Variants in BCL11B observed in about 807,000 individuals in gnomAD.
BCL11B encodes BCL11 transcription factor B.
In BCL11B, 8 loss-of-function variants were observed where a neutral mutation model predicts 49.9. The observed-to-expected ratio is 0.16, with a 90% confidence interval of 0.09 to 0.29. The LOEUF (loss-of-function observed/expected upper bound fraction) is 0.29. Ranked by LOEUF, BCL11B falls within the 10% of genes least tolerant of loss-of-function variation. The pLI is 1.00. For missense variants in BCL11B, 1,006 were observed against 1,351.0 expected, an observed-to-expected ratio of 0.74 and a Z score of 4.00; for synonymous variants, 739 against 637.4, an observed-to-expected ratio of 1.16 and a Z score of -2.40.
intron 3 of BCL11B, among the ~76,000 whole-genome samples, chr14:99,201,079 G>A (rs1042368573): frequency 2.6e-5 from 4 of 152,172 alleles, no homozygotes; most frequent in African/African-American, 7.2e-5. Flanking sequence ...CAGGCCTCCA[G>A]CATTTTCCTA....
At chr14:99,198,888 C>T (rs1887259048) in intron 3 of BCL11B, among the ~76,000 whole-genome samples, 1 of 152,146 alleles carries the variant, frequency 6.6e-6, no homozygotes, top group African/African-American at 2.4e-5. Flanking sequence ...CTCTGCATTC[C>T]TCCCAGGCAG....
At position 99,231,532 on chromosome 14, in the gene BCL11B, T is replaced by G. The variant is rs1888335871; in HGVS notation, c.453A>C (p.Pro151=). ...IAGPCRPAQL[P]AVAPIAASSH... is the part of the protein sequence containing the mutation. ...AGGAGGCAGCTATGGGGGCCACCGCTGGCAGCTGGGCAGGCCTGCACGGCC... is the reference window on the plus strand; with the variant it reads ...AGGAGGCAGCTATGGGGGCCACCGCGGGCAGCTGGGCAGGCCTGCACGGCC... Residue 151 remains proline, a synonymous_variant, in exon 3 of 4, where the codon CCA becomes CCC. Coordinates refer to ENST00000357195, the MANE Select transcript of BCL11B (RefSeq NM_138576.4). This position sits in a 1 kb window ranked among gnomAD's most constrained non-coding sequence, Gnocchi z 8.1. 2 of 1,588,992 alleles carry G rather than the reference T, an allele frequency of 1.3e-6. No homozygotes were observed. The highest frequency in any genetic ancestry group is 1.8e-5 in the Admixed American group (1 of 55,812).
rs185544763 is a variant in BCL11B at position 99,228,976 on chromosome 14, A to C, written c.640+2369T>G. On this transcript the variant is annotated intron_variant, in intron 3 of 3. Coordinates refer to ENST00000357195, the MANE Select transcript of BCL11B (RefSeq NM_138576.4). This position sits in a 1 kb window ranked among gnomAD's most constrained non-coding sequence, Gnocchi z 4.8. ...GATGGATGGATGCATGGATGGATGC[A>C]TGGATGGATGGATGGCTACATGGAT... is the stretch of plus-strand genomic sequence containing the variant. Among the ~76,000 whole-genome samples, 1 of 152,050 alleles carries C rather than the reference A, an allele frequency of 6.6e-6. No individual in the cohort carries two copies. Among genetic ancestry groups the C allele is most frequent in the East Asian group, 1.9e-4 (1 of 5,156 alleles).
At chr14:99,187,985 T>C (rs1257427) in intron 3 of BCL11B, among the ~76,000 whole-genome samples, 130,865 of 152,156 alleles carry the variant, frequency 0.86, 57,024 homozygotes, top group Middle Eastern at 0.96. Flanking sequence ...AGAGCCTCGA[T>C]ACCGAGTTAT....
chr14:99,229,779 C>T (rs1888275474), intron 3 of BCL11B, among the ~76,000 whole-genome samples: 1 of 152,030 alleles, frequency 6.6e-6, no homozygotes. Flanking sequence ...ATAGCATGGC[C>T]CCCCCAGTGG....
chr14:99,229,732 G>C (rs77726852), intron 3 of BCL11B, among the ~76,000 whole-genome samples: 1 of 152,162 alleles, frequency 6.6e-6, no homozygotes, highest in Non-Finnish European at 1.5e-5. Context: ...CACGGAACTT[G>C]ACCGCGTCCA....
Position 99,173,897 on chromosome 14 carries a change from CA to C in BCL11B, c.*253del, listed in dbSNP as rs1190912655. On this transcript the variant is annotated 3_prime_UTR_variant, in exon 4 of 4. Transcript: ENST00000357195. Reference sequence around the variant, plus strand: ...AATAATAAAAAGTACCTGCACATGCCAAAAAAATTACAAAACCCAATAAATA... The same window carrying C: ...AATAATAAAAAGTACCTGCACATGCCAAAAAATTACAAAACCCAATAAATA... The C allele has an allele frequency of 1.9e-5, 10 of 522,756 alleles. No homozygotes were observed. The highest frequency in any genetic ancestry group is 9.7e-5 in the East Asian group (3 of 30,924). 32.4% of individuals were successfully genotyped at this position (522,756 alleles called of 1,614,324 possible). A position where few individuals can be genotyped will look rare whatever the true frequency, so the allele number is the denominator to read the frequency against.
chr14:99,199,993 T>G (rs888747465), intron 3 of BCL11B, among the ~76,000 whole-genome samples: 1 of 151,646 alleles, frequency 6.6e-6, no homozygotes, highest in African/African-American at 2.4e-5. Context: ...TCACCAGTTC[T>G]GTTTCCCCAA....
Position 99,262,006 on chromosome 14 carries a change from T to A in BCL11B, c.59-4167A>T, listed in dbSNP as rs572919904. Among the ~76,000 whole-genome samples the A allele has an allele frequency of 2.7e-3, 409 of 152,312 alleles. 1 individual carries two copies. The highest frequency in any genetic ancestry group is 4.1e-3 in the Non-Finnish European group (281 of 68,032). ...AAGCAATCACAAATAATAATGGACA[T>A]CGTTGTTAAGTGAAAGGGGAAGCAC... On this transcript the variant is annotated intron_variant, in intron 1 of 3. Transcript: ENST00000357195. The surrounding 1 kb of genome is among the most constrained non-coding windows in gnomAD (Gnocchi z 4.2).
rs1234387876 is a variant in BCL11B at position 99,175,918 on chromosome 14, G to A, written c.918C>T (p.Gly306=). 3.5e-6 allele frequency: 5 copies of A among 1,445,846 alleles called. No homozygotes were observed. The highest frequency in any genetic ancestry group is 1.5e-5 in the African/African-American group (1 of 66,854). The allele number at this position is 1,445,846 out of a possible 1,614,324, so 89.6% of individuals were successfully genotyped here. The change falls in exon 4 of 4, where the codon GGC becomes GGT. Residue 306 remains glycine (G), a synonymous_variant. Coordinates refer to ENST00000357195, the MANE Select transcript of BCL11B (RefSeq NM_138576.4). ...GCGGCGTGCCCGGCAGGCGGCCCTC[G>A]CCGAAGCCCGGGTGGTCCCGCAGGA... ...GPILRDHPGF[G]EGRLPGTPPL...
In BCL11B at chr14:99,262,694, G is replaced by C. The variant is rs116171668; in HGVS notation, c.59-4855C>G. Among the ~76,000 whole-genome samples, 41 of 152,234 alleles carry C rather than the reference G, an allele frequency of 2.7e-4. No homozygotes were observed. The highest frequency in any genetic ancestry group is 8.9e-4 in the African/African-American group (37 of 41,550). ...GAGCCCATGCTTACCCATAATCTAC[G>C]AAGAGATCTTTTCATCTCCTCTCCG... On this transcript the variant is annotated intron_variant, in intron 1 of 3. Transcript: ENST00000357195. This position sits in a 1 kb window ranked among gnomAD's most constrained non-coding sequence, Gnocchi z 4.2.
chr14:99,257,433 G>A lies in BCL11B; in HGVS notation c.427+38C>T, dbSNP rs780799757. The A allele has an allele frequency of 1.9e-6, 3 of 1,553,410 alleles. No individual in the cohort carries two copies. In the Admixed American group the frequency reaches 5.2e-5, roughly 27 times the overall value. ...GCAGAGGGCATGGGACCCAGGAGGT[G>A]GCTTCCACAGCAACCAGGCAAGCGC... On this transcript the variant is annotated intron_variant, in intron 2 of 3. Coordinates refer to ENST00000357195, the MANE Select transcript of BCL11B (RefSeq NM_138576.4). This position sits in a 1 kb window ranked among gnomAD's most constrained non-coding sequence, Gnocchi z 6.2.
rs1888711927 is a variant in BCL11B at position 99,242,895 on chromosome 14, T to C, written c.428-11338A>G. Among the ~76,000 whole-genome samples, 1 of 152,208 alleles carries C rather than the reference T, an allele frequency of 6.6e-6. No homozygotes were observed. The highest frequency in any genetic ancestry group is 2.4e-5 in the African/African-American group (1 of 41,460). ...TACCATTTCATAGCAGACAGCTGTG[T>C]GCTCCATGGGGATAAGTGCCAATTT... On this transcript the variant is annotated intron_variant, in intron 2 of 3. Coordinates refer to ENST00000357195, the MANE Select transcript of BCL11B (RefSeq NM_138576.4). This position sits in a 1 kb window ranked among gnomAD's most constrained non-coding sequence, Gnocchi z 4.4.
At chr14:99,259,793 C>T (rs569569171) in intron 1 of BCL11B, among the ~76,000 whole-genome samples, 40 of 152,270 alleles carry the variant, frequency 2.6e-4, no homozygotes, top group African/African-American at 8.9e-4. Flanking sequence ...ATTAATTTAC[C>T]AATTTATTTT....
At position 99,271,744 on chromosome 14, in the gene BCL11B, C is replaced by G. The variant is rs1889697052; in HGVS notation, c.-526G>C. On this transcript the variant is annotated 5_prime_UTR_variant, in exon 1 of 4. Coordinates refer to ENST00000357195, the MANE Select transcript of BCL11B (RefSeq NM_138576.4). Reference sequence around the variant, plus strand: ...ACCAGGAGGGGAAAAAAAATGCAAACAAATAAAAAAATAAAAGAAGAAAAA... The same window carrying G: ...ACCAGGAGGGGAAAAAAAATGCAAAGAAATAAAAAAATAAAAGAAGAAAAA... Among the ~76,000 whole-genome samples the G allele has an allele frequency of 6.8e-6, 1 of 147,662 alleles. No individual in the cohort carries two copies. The highest frequency in any genetic ancestry group is 6.7e-5 in the Admixed American group (1 of 14,862).
In BCL11B at chr14:99,194,492, C is replaced by G. The variant is rs1887125038; in HGVS notation, c.641-18297G>C. Among the ~76,000 whole-genome samples, 2 of 152,212 alleles carry G rather than the reference C, an allele frequency of 1.3e-5. No individual in the cohort carries two copies. The highest frequency in any genetic ancestry group is 2.9e-5 in the Non-Finnish European group (2 of 68,036). On this transcript the variant is annotated intron_variant, in intron 3 of 3. Coordinates refer to ENST00000357195, the MANE Select transcript of BCL11B (RefSeq NM_138576.4). The surrounding 1 kb of genome is among the most constrained non-coding windows in gnomAD (Gnocchi z 4.6). ...AACCCCATCCAGTGTTGCCCATGCA[C>G]CTTGAACAAAGGACTGAACACTATG...
At position 99,205,922 on chromosome 14, in the gene BCL11B, C is replaced by A. The variant is rs1342927109; in HGVS notation, c.640+25423G>T. 6.6e-6 allele frequency among the ~76,000 whole-genome samples: 1 copy of A among 152,120 alleles called. No homozygotes were observed. Among genetic ancestry groups the A allele is most frequent in the Non-Finnish European group, 1.5e-5 (1 of 68,034 alleles). On this transcript the variant is annotated intron_variant, in intron 3 of 3. Coordinates refer to ENST00000357195, the MANE Select transcript of BCL11B (RefSeq NM_138576.4). This position sits in a 1 kb window ranked among gnomAD's most constrained non-coding sequence, Gnocchi z 5.0. ...GGAAGGTTAGCTCCAAAGAGGCAGC[C>A]CTTCGTAGCCAGGGGTTGGGAGGGG... is the stretch of plus-strand genomic sequence containing the variant.
intron 3 of BCL11B, among the ~76,000 whole-genome samples, chr14:99,181,049 C>T (rs11621953): frequency 0.25 from 37,308 of 152,044 alleles, 4,907 homozygotes; most frequent in East Asian, 0.44. Context: ...ATAAAAAACA[C>T]ACCTTTAATT....
rs974904377 is a variant in BCL11B at position 99,271,458 on chromosome 14, G to GA, written c.-241dup. On this transcript the variant is annotated 5_prime_UTR_variant, in exon 1 of 4. Coordinates refer to ENST00000357195, the MANE Select transcript of BCL11B (RefSeq NM_138576.4). ...CTGTTTTTTGTTTTGTTTGCAAAAA[G>GA]AAAAAAAAGGGAAGAAAAGCAAGAA... 13 of 157,678 alleles carry GA rather than the reference G, an allele frequency of 8.2e-5. No individual in the cohort carries two copies. The highest frequency in any genetic ancestry group is 1.5e-4 in the Non-Finnish European group (12 of 81,136). The allele number at this position is 157,678 out of a possible 1,614,324, so 9.8% of individuals were successfully genotyped here.
Sources: allele counts gnomAD v4.1 joint callset (sites outside exome capture counted in the v4.1 genomes callset), GRCh38; gene constraint gnomAD v4.1.1; non-coding constraint Gnocchi (gnomAD v3.1); transcripts MANE v1.5; gene names NCBI Gene and HGNC (gene_info 2026-07-23, HGNC 2026-07-21).